FBXL18: variants seen among roughly 807,000 people sequenced by gnomAD.
FBXL18 encodes the protein F-box/LRR-repeat protein 18.
FBXL18 carries 36 observed loss-of-function variants against 46.0 expected under a neutral mutation model. That is an observed-to-expected ratio of 0.78 (90% CI 0.60 to 1.03). The LOEUF (loss-of-function observed/expected upper bound fraction) is 1.03. FBXL18 is among the 50% of genes least tolerant of loss of function. The probability of loss-of-function intolerance (pLI) is 0.00; values close to 1 mark genes in which losing one functional copy is unlikely to be tolerated. For missense variants in FBXL18, 977 were observed against 1,004.1 expected, an observed-to-expected ratio of 0.97 and a Z score of 0.36; for synonymous variants, 557 against 465.3, an observed-to-expected ratio of 1.20 and a Z score of -2.54.
intron 4 of FBXL18, among the ~76,000 whole-genome samples, chr7:5,487,135 A>G (rs886348186): frequency 1.3e-5 from 2 of 152,118 alleles, no homozygotes; most frequent in Non-Finnish European, 2.9e-5. Flanking sequence ...AGGCCCACAC[A>G]GGTGCCCTGG....
chr7:5,490,042 C>G, intron 4 of FBXL18: 2 of 1,337,834 alleles, frequency 1.5e-6, no homozygotes, highest in Non-Finnish European at 2.0e-6. Flanking sequence ...GGGGGAAACC[C>G]CAACCAGGAT....
At chr7:5,463,706 T>TATATATATATATATATATATATATATATA (rs374634728) in intron 4 of FBXL18, among the ~76,000 whole-genome samples, 1 of 59,464 alleles carries the variant, frequency 1.7e-5, no homozygotes, top group African/African-American at 7.4e-5. Context: ...ATATATATAT[T>TATATATATATATATATATATATATATATA]TATTTATTTA....
At position 5,455,223 on chromosome 7, in the gene FBXL18, G is replaced by A. The variant is rs527576991; in HGVS notation, c.2001-7380C>T. On this transcript the variant is annotated intron_variant and NMD_transcript_variant, in intron 4 of 6. Coordinates refer to the FBXL18 transcript ENST00000415009. The surrounding 1 kb of genome is among the most constrained non-coding windows in gnomAD (Gnocchi z 4.6). ...GCACTCCAAGGAGTACTCTTTGGGAGCATATCTGGGGAGCACTCTTGGGGG... is the reference window on the plus strand; with the variant it reads ...GCACTCCAAGGAGTACTCTTTGGGAACATATCTGGGGAGCACTCTTGGGGG... 1.3e-5 allele frequency among the ~76,000 whole-genome samples: 2 copies of A among 152,214 alleles called. No individual in the cohort carries two copies. Among genetic ancestry groups the A allele is most frequent in the Admixed American group, 6.5e-5 (1 of 15,286 alleles).
At chr7:5,486,882 G>A (rs921247800) in intron 4 of FBXL18, among the ~76,000 whole-genome samples, 1 of 152,248 alleles carries the variant, frequency 6.6e-6, no homozygotes, top group African/African-American at 2.4e-5. Context: ...CGGGTGAGCC[G>A]CACAACAGCC....
intron 4 of FBXL18, among the ~76,000 whole-genome samples, chr7:5,487,985 C>G (rs574823202): frequency 6.6e-6 from 1 of 152,376 alleles, no homozygotes; most frequent in South Asian, 2.1e-4. Context: ...AAGGGCTCTC[C>G]CAGGCACCTG....
At chr7:5,502,674 T>C (rs1784297465) in intron 2 of FBXL18, among the ~76,000 whole-genome samples, 1 of 151,128 alleles carries the variant, frequency 6.6e-6, no homozygotes, top group African/African-American at 2.4e-5. Context: ...CTACTAAAAA[T>C]ACAAAAATTA....
chr7:5,500,468 G>A lies in FBXL18; in HGVS notation c.1781+20C>T. The A allele has an allele frequency of 3.8e-6, 6 of 1,568,752 alleles. No individual in the cohort carries two copies. The highest frequency in any genetic ancestry group is 5.2e-6 in the Non-Finnish European group (6 of 1,155,842). ...GCCAGCTTCCAGCAGAGGCCCGAGA[G>A]GTCCCCGCGGCCCCCTCACCTGAGG... On this transcript the variant is annotated intron_variant, in intron 3 of 4. Coordinates refer to ENST00000382368, the MANE Select transcript of FBXL18 (RefSeq NM_024963.6).
rs71735907 is a variant in FBXL18, at chr7:5,512,071, TA to T, written c.18+1585del. ...TAACACGGTGAAACCCCGTCTCTAG[TA>T]AAAAAAAAAAAAAAACCAAAAAATT... On this transcript the variant is annotated intron_variant, in intron 1 of 4. Transcript: ENST00000382368. Among the ~76,000 whole-genome samples the T allele has an allele frequency of 7.3e-3, 948 of 130,590 alleles. 8 individuals carry two copies. The highest frequency in any genetic ancestry group is 0.025 in the African/African-American group (852 of 34,302). The allele number at this position is 130,590 out of a possible 152,430, so 85.7% of individuals were successfully genotyped here.
intron 4 of FBXL18, among the ~76,000 whole-genome samples, chr7:5,487,729 G>A (rs943668370): frequency 5.3e-5 from 8 of 152,240 alleles, no homozygotes; most frequent in African/African-American, 1.7e-4. Flanking sequence ...CCAGGCAGGC[G>A]CCCTGGAGGG....
At chr7:5,490,149 G>A (rs1783883317) in intron 4 of FBXL18, 1 of 1,358,502 alleles carries the variant, frequency 7.4e-7, no homozygotes, top group Non-Finnish European at 9.8e-7. Context: ...GAGACGTCCT[G>A]GCTGATGGCT....
intron 1 of FBXL18, among the ~76,000 whole-genome samples, chr7:5,511,764 T>C (rs1222200100): frequency 8.0e-6 from 1 of 124,994 alleles, no homozygotes; most frequent in Non-Finnish European, 1.8e-5. Flanking sequence ...CGAGACTCCA[T>C]CTCAAAAAAA....
At chr7:5,506,425 T>C (rs991468303) in intron 1 of FBXL18, among the ~76,000 whole-genome samples, 4 of 151,906 alleles carry the variant, frequency 2.6e-5, no homozygotes, top group Admixed American at 2.0e-4. Flanking sequence ...CGGCTAATTT[T>C]TGTATTTTTA....
intron 1 of FBXL18, 46 bp downstream of exon 1, chr7:5,513,611 G>C: frequency 6.2e-7 from 1 of 1,608,526 alleles, no homozygotes. Flanking sequence ...CAGGGAGACC[G>C]AGGCCGCCGA....
intron 4 of FBXL18, chr7:5,489,779 A>C (rs1392836954): frequency 1.3e-5 from 4 of 299,750 alleles, no homozygotes; most frequent in Non-Finnish European, 2.7e-5. Flanking sequence ...ACTCTGTCTC[A>C]AAAAAGAAAA....
intron 1 of FBXL18, among the ~76,000 whole-genome samples, chr7:5,506,777 G>A (rs565092401): frequency 2.6e-5 from 4 of 152,270 alleles, no homozygotes; most frequent in African/African-American, 9.6e-5. Flanking sequence ...GGCTGGTCTT[G>A]AACTCCTGGC....
In FBXL18 at chr7:5,491,216, ACCCACAT is replaced by A. The variant is rs1484217050; in HGVS notation, c.2000+8_2000+14del. ...TCTGCGGCCCCTGAAGCTGTACGCA[ACCCACAT>A]CACTCACCTGCGGAGAAGCGACTGC... On this transcript the variant is annotated splice_region_variant and intron_variant, in intron 4 of 4. Transcript: ENST00000382368. 1 of 1,603,010 alleles carries A rather than the reference ACCCACAT, an allele frequency of 6.2e-7. No homozygotes were observed. Among genetic ancestry groups the A allele is most frequent in the South Asian group, 1.1e-5 (1 of 89,182 alleles).
Position 5,501,937 on chromosome 7 carries a change from G to A in FBXL18, c.332C>T (p.Thr111Ile). The A allele has an allele frequency of 1.2e-6, 2 of 1,604,706 alleles. No individual in the cohort carries two copies. The highest frequency in any genetic ancestry group is 1.7e-6 in the Non-Finnish European group (2 of 1,176,838). ...GCGGCAGCGGGCCACGTGTTCCACG[G>A]TGGAGCCAGGCAGCCAGTAGCAGCC... ...MAGCYWLPGS[T>I]VEHVARCRSL... The change falls in exon 3 of 5, where the codon ACC becomes ATC. Residue 111 changes from threonine to isoleucine, a missense_variant. By Grantham distance (89) the Thr-to-Ile change is moderately conservative. Transcript: ENST00000382368.
In FBXL18 at chr7:5,500,625, G is replaced by A; in HGVS notation, c.1644C>T (p.Ser548=). 1 of 1,613,108 alleles carries A rather than the reference G, an allele frequency of 6.2e-7. No homozygotes were observed. The highest frequency in any genetic ancestry group is 8.5e-7 in the Non-Finnish European group (1 of 1,179,816). Residue 548 remains serine, a synonymous_variant, in exon 3 of 5, where the codon TCC becomes TCT. Transcript: ENST00000382368. The part of the protein sequence containing the change: ...LAQLPSVLTG[S]GLVNIGLQCQ... ...ACTGCAGGCCGATATTGACCAGCCC[G>A]GAGCCCGTAAGGACGCTGGGCAGCT...
chr7:5,481,756 T>C lies in FBXL18; in HGVS notation c.*19A>G, dbSNP rs777993888. 66 of 1,612,744 alleles carry C rather than the reference T, an allele frequency of 4.1e-5. 1 individual carries two copies. In the East Asian group the frequency reaches 1.3e-3, roughly 31 times the overall value. ...AGCTTCTCGAGGTGACTGAGACCGA[T>C]GGGCGGCGGCTCCGCCTCTCACCAC... is the stretch of plus-strand genomic sequence containing the variant. On this transcript the variant is annotated 3_prime_UTR_variant, in exon 5 of 5. Coordinates refer to ENST00000382368, the MANE Select transcript of FBXL18 (RefSeq NM_024963.6).
Sources: gnomAD v4.1 joint callset for allele counts (sites outside exome capture counted in the v4.1 genomes callset) on GRCh38, gnomAD v4.1.1 for gene constraint, Gnocchi (gnomAD v3.1) non-coding constraint, MANE v1.5 for transcripts, NCBI Gene and HGNC (gene_info 2026-07-23, HGNC 2026-07-21) for gene names.